SMAD1: variants seen among roughly 807,000 people sequenced by gnomAD.
The protein encoded by SMAD1 is SMAD family member 1.
In SMAD1, 6 loss-of-function variants were observed where a neutral mutation model predicts 41.6. The observed-to-expected ratio is 0.14, with a 90% confidence interval of 0.08 to 0.28. SMAD1 has a LOEUF of 0.28. Ranked by LOEUF, SMAD1 falls within the 10% of genes least tolerant of loss-of-function variation. The pLI is 1.00. For missense variants in SMAD1, 379 were observed against 582.6 expected, an observed-to-expected ratio of 0.65 and a Z score of 3.60; for synonymous variants, 206 against 203.2, an observed-to-expected ratio of 1.01 and a Z score of -0.12.
chr4:145,509,267 A>G (rs775752063), intron 1 of SMAD1, among the ~76,000 whole-genome samples: 5 of 152,176 alleles, frequency 3.3e-5, no homozygotes, highest in East Asian at 1.9e-4. Context: ...GGCTTTCCCA[A>G]TGGATTGTGA....
In SMAD1 at chr4:145,558,655, AGTTT is replaced by A. The variant is rs1732975651; in HGVS notation, c.*725_*728del. On this transcript the variant is annotated 3_prime_UTR_variant, in exon 7 of 7. Coordinates refer to ENST00000302085, the MANE Select transcript of SMAD1 (RefSeq NM_005900.3). ...AATGTAGACTATACTGTAAAAATTCAGTTTGTTGCTTTAAAGAAACAAACTGATA... is the reference window on the plus strand; with the variant it reads ...AATGTAGACTATACTGTAAAAATTCAGTTGCTTTAAAGAAACAAACTGATA... 6.6e-6 allele frequency among the ~76,000 whole-genome samples: 1 copy of A among 151,946 alleles called. No homozygotes were observed. Among genetic ancestry groups the A allele is most frequent in the Non-Finnish European group, 1.5e-5 (1 of 68,012 alleles).
At chr4:145,540,142 G>A in intron 3 of SMAD1, 81 bp downstream of exon 3, 1 of 1,527,734 alleles carries the variant, frequency 6.5e-7, no homozygotes. Flanking sequence ...GGGTCAACCT[G>A]CAGTGGAGGG....
At chr4:145,549,467 A>G (rs891840578) in intron 5 of SMAD1, among the ~76,000 whole-genome samples, 2 of 152,048 alleles carry the variant, frequency 1.3e-5, no homozygotes, top group African/African-American at 4.8e-5. Context: ...AGACACACAC[A>G]TGCACGGTGC....
intron 2 of SMAD1, among the ~76,000 whole-genome samples, chr4:145,533,341 G>C (rs1264105953): frequency 6.6e-6 from 1 of 152,158 alleles, no homozygotes; most frequent in African/African-American, 2.4e-5. Flanking sequence ...TGGACAACAG[G>C]TACAAATTGG....
intron 6 of SMAD1, among the ~76,000 whole-genome samples, chr4:145,555,171 T>A (rs962682130): frequency 2.0e-5 from 3 of 152,142 alleles, no homozygotes; most frequent in African/African-American, 7.2e-5. Flanking sequence ...ATTAAGAAAA[T>A]TTTTTTACCC....
At chr4:145,481,740 C>CGCGGGTGA, upstream of SMAD1, 299 of 177,754 alleles carry the variant, frequency 1.7e-3, 3 homozygotes, top group African/African-American at 5.1e-3. Context: ...GGCGGCGGCG[C>CGCGGGTGA]GCGGGTGAGC....
intron 2 of SMAD1, among the ~76,000 whole-genome samples, chr4:145,518,944 C>G (rs1001339256): frequency 1.6e-5 from 2 of 125,358 alleles, no homozygotes; most frequent in South Asian, 5.2e-4. Flanking sequence ...TGTTTTGGTA[C>G]ATGTATACAT....
chr4:145,510,024 C>G (rs1729992336), intron 1 of SMAD1, among the ~76,000 whole-genome samples: 1 of 152,124 alleles, frequency 6.6e-6, no homozygotes, highest in Non-Finnish European at 1.5e-5. Context: ...ACATTGTTTC[C>G]TGTAGTGAAG....
intron 2 of SMAD1, among the ~76,000 whole-genome samples, chr4:145,529,063 G>A (rs1731183898): frequency 6.6e-6 from 1 of 151,990 alleles, no homozygotes; most frequent in African/African-American, 2.4e-5. Context: ...GAAAATCTGA[G>A]AAGTACTATT....
intron 2 of SMAD1, among the ~76,000 whole-genome samples, chr4:145,517,849 C>T (rs776007382): frequency 1.6e-5 from 2 of 126,272 alleles, no homozygotes; most frequent in Non-Finnish European, 3.9e-5. Context: ...AACTGGCTTA[C>T]ATAGGCATTT....
At chr4:145,536,087 T>C (rs1731597479) in intron 2 of SMAD1, among the ~76,000 whole-genome samples, 1 of 152,144 alleles carries the variant, frequency 6.6e-6, no homozygotes, top group Admixed American at 6.6e-5. Flanking sequence ...ATTAAGCACA[T>C]TCATAAATAT....
At chr4:145,492,931 T>C (rs1449875507) in intron 1 of SMAD1, among the ~76,000 whole-genome samples, 1 of 152,242 alleles carries the variant, frequency 6.6e-6, no homozygotes, top group African/African-American at 2.4e-5. Flanking sequence ...GATCCTTACC[T>C]AACTGAATTA....
At chr4:145,530,786 C>T (rs755078469) in intron 2 of SMAD1, among the ~76,000 whole-genome samples, 8 of 152,122 alleles carry the variant, frequency 5.3e-5, no homozygotes, top group Non-Finnish European at 1.2e-4. Context: ...AAACAACTTC[C>T]ACAGTCTCTT....
At chr4:145,557,122 G>A (rs1386390525) in intron 6 of SMAD1, among the ~76,000 whole-genome samples, 1 of 152,206 alleles carries the variant, frequency 6.6e-6, no homozygotes, top group African/African-American at 2.4e-5. Context: ...ATGAGTTTTT[G>A]ATCTTTGCAG....
chr4:145,540,185 C>T lies in SMAD1; in HGVS notation c.658+124C>T. On this transcript the variant is annotated intron_variant, in intron 3 of 6. Transcript: ENST00000302085. Reference sequence around the variant, plus strand: ...CAGCCCTGGTATATGACATAGTGCTCTCGCACTTTTAGGATACAACTTTTG... The same window carrying T: ...CAGCCCTGGTATATGACATAGTGCTTTCGCACTTTTAGGATACAACTTTTG... 7 of 1,071,440 alleles carry T rather than the reference C, an allele frequency of 6.5e-6. No individual in the cohort carries two copies. In the South Asian group the frequency reaches 7.8e-5, roughly 12 times the overall value. The allele number at this position is 1,071,440 out of a possible 1,614,324, so 66.4% of individuals were successfully genotyped here.
At chr4:145,487,647 A>G (rs146299341) in intron 1 of SMAD1, among the ~76,000 whole-genome samples, 1 of 152,296 alleles carries the variant, frequency 6.6e-6, no homozygotes, top group East Asian at 1.9e-4. Flanking sequence ...TTTAAAAAGA[A>G]AAGGAAAGAG....
chr4:145,519,005 T>C lies in SMAD1; in HGVS notation c.400+3992T>C, dbSNP rs530136815. ...TAACATATCTGTCACCTCCCATGTG[T>C]ATTTGCTTATTTCTTTCTTTTTCTT... On this transcript the variant is annotated intron_variant, in intron 2 of 6. Coordinates refer to ENST00000302085, the MANE Select transcript of SMAD1 (RefSeq NM_005900.3). Among the ~76,000 whole-genome samples, 7 of 124,560 alleles carry C rather than the reference T, an allele frequency of 5.6e-5. 2 individuals carry two copies. In the South Asian group the frequency reaches 1.8e-3, roughly 33 times the overall value. 81.7% of individuals were successfully genotyped at this position (124,560 alleles called of 152,430 possible). A position where few individuals can be genotyped will look rare whatever the true frequency, so the allele number is the denominator to read the frequency against.
chr4:145,531,280 C>G (rs1008033126), intron 2 of SMAD1, among the ~76,000 whole-genome samples: 1 of 152,182 alleles, frequency 6.6e-6, no homozygotes, highest in African/African-American at 2.4e-5. Flanking sequence ...CTTACTCTTA[C>G]CCTTTCCGGC....
At chr4:145,550,404 T>A (rs1732490854) in intron 5 of SMAD1, among the ~76,000 whole-genome samples, 1 of 152,102 alleles carries the variant, frequency 6.6e-6, no homozygotes, top group Non-Finnish European at 1.5e-5. Context: ...TCCCAGCTAC[T>A]CGGGAGACAG....
Sources: gnomAD v4.1 joint callset for allele counts (sites outside exome capture counted in the v4.1 genomes callset) on GRCh38, gnomAD v4.1.1 for gene constraint, MANE v1.5 for transcripts, NCBI Gene and HGNC (gene_info 2026-07-23, HGNC 2026-07-21) for gene names.